Variants in MMP21 observed in about 807,000 individuals in gnomAD.
The protein encoded by MMP21 is matrix metallopeptidase 21.
In MMP21, 40 loss-of-function variants were observed where a neutral mutation model predicts 47.8. The observed-to-expected ratio is 0.84, with a 90% confidence interval of 0.65 to 1.09. The LOEUF (loss-of-function observed/expected upper bound fraction) is 1.09. Among genes scored for constraint, MMP21 ranks in the 50% least tolerant of loss-of-function variants. The pLI, the probability that MMP21 is intolerant of heterozygous loss-of-function variation, is 0.00. For missense variants in MMP21, 747 were observed against 775.3 expected (o/e 0.96, Z 0.43); for synonymous variants, 341 against 318.0 (o/e 1.07, Z -0.77).
intron 4 of MMP21, among the ~76,000 whole-genome samples, chr10:125,771,487 T>A (rs12240664): frequency 0.021 from 3,189 of 151,342 alleles, 135 homozygotes; most frequent in African/African-American, 0.073. Context: ...CACTGCAACC[T>A]CCACCTCATG....
chr10:125,770,571 C>G lies in MMP21; in HGVS notation c.1000G>C (p.Asp334His), dbSNP rs1260655723. The change falls in exon 5 of 7, where the codon GAT becomes CAT. Residue 334 changes from aspartate (D) to histidine (H), a missense_variant. Physicochemically the swap from Asp to His is moderately conservative, Grantham distance 81. Transcript: ENST00000368808. ...KLYGSCEGSF[D>H]TAFDWIRKER... ...TTGCGAATCCAGTCAAACGCAGTAT[C>G]AAATGATCCCTCACAGGAGCCTTAA... is the stretch of plus-strand genomic sequence containing the variant. 1 of 1,613,964 alleles carries G rather than the reference C, an allele frequency of 6.2e-7. No homozygotes were observed. Among genetic ancestry groups the G allele is most frequent in the Non-Finnish European group, 8.5e-7 (1 of 1,179,972 alleles).
At chr10:125,774,771 G>A (rs1850497365) in intron 1 of MMP21, among the ~76,000 whole-genome samples, 1 of 152,164 alleles carries the variant, frequency 6.6e-6, no homozygotes, top group Non-Finnish European at 1.5e-5. Flanking sequence ...CCGGCCTTGC[G>A]GGGCAGGTCG....
At chr10:125,774,396 C>A in intron 1 of MMP21, 31 bp from the exon 2 acceptor site, 1 of 1,313,118 alleles carries the variant, frequency 7.6e-7, no homozygotes, top group South Asian at 2.0e-5. Flanking sequence ...CTAATCTGGG[C>A]CGCCTCGCTC....
rs1850391980 is a variant in MMP21, at chr10:125,766,869, A to G, written c.1503T>C (p.His501=). 9.9e-6 allele frequency: 16 copies of G among 1,613,652 alleles called. No individual in the cohort carries two copies. Among genetic ancestry groups the G allele is most frequent in the Non-Finnish European group, 1.4e-5 (16 of 1,179,830 alleles). The change falls in exon 7 of 7, where the codon CAT becomes CAC. Residue 501 remains histidine, a synonymous_variant. Transcript: ENST00000368808. ...AAGCGGAATCTATATTTCTGAAAGG[A>G]TGATTTTGTGGTATTACTGCTGGAA... ...EVFPAVIPQN[H]PFRNIDSAYY...
rs1850467690 is a variant in MMP21, at chr10:125,772,847, C to T, written c.698-97G>A. ...GTCCCCAGCCTCCAGGAGCCGGCAG[C>T]AGAGGTAGACAGAGTGGCAGCTCCT... On this transcript the variant is annotated intron_variant, in intron 2 of 6. Transcript: ENST00000368808. The surrounding 1 kb of genome is among the most constrained non-coding windows in gnomAD (Gnocchi z 5.6). 2.2e-6 allele frequency: 3 copies of T among 1,351,516 alleles called. No individual in the cohort carries two copies. In the Admixed American group the frequency reaches 6.2e-5, roughly 28 times the overall value. The allele number at this position is 1,351,516 out of a possible 1,614,324, so 83.7% of individuals were successfully genotyped here.
At chr10:125,767,832 G>A (rs1850403048) in intron 5 of MMP21, 128 bp from the exon 6 acceptor site, 2 of 914,852 alleles carry the variant, frequency 2.2e-6, no homozygotes, top group East Asian at 4.9e-5. Context: ...GAGAAAACGG[G>A]GCTTTCGGCA....
chr10:125,767,671 TC>T lies in MMP21; in HGVS notation c.1270del (p.Asp424IlefsTer16). ...TTGTTCATCTTCTGTGAGGGCCTGATCCTTGTCACTGTCATATCTCCAGTAT... is the reference window on the plus strand; with the variant it reads ...TTGTTCATCTTCTGTGAGGGCCTGATCTTGTCACTGTCATATCTCCAGTAT... Reference protein sequence around the residue: ...NQYWRYDSDKDQALTEDEQGK... With the variant: ...NQYWRYDSDKXQALTEDEQGK... On this transcript the variant is annotated frameshift_variant, in exon 6 of 7. Transcript: ENST00000368808. LOFTEE classifies it high-confidence loss of function. 1 of 1,614,214 alleles carries T rather than the reference TC, an allele frequency of 6.2e-7. No individual in the cohort carries two copies. The highest frequency in any genetic ancestry group is 8.5e-7 in the Non-Finnish European group (1 of 1,180,034).
intron 5 of MMP21, among the ~76,000 whole-genome samples, 157 bp downstream of exon 5, chr10:125,770,177 C>G (rs1275475872): frequency 1.3e-5 from 2 of 152,060 alleles, no homozygotes. Context: ...CAACCCAATC[C>G]TTGTGCCCTC....
Position 125,774,070 on chromosome 10 carries a change from G to C in MMP21, c.458C>G (p.Ser153Cys). Residue 153 changes from serine (S) to cysteine (C), a missense_variant, in exon 2 of 7, where the codon TCC (serine) becomes TGC (cysteine). Transcript: ENST00000368808. ...GCCCCGGGGCTGCCAACCCCGCCGG[G>C]ACAAGGACAGCGGCGCCCGCGGGGA... ...RRSPRAPLSL[S>C]RRGWQPRGYP... 6 of 1,437,328 alleles carry C rather than the reference G, an allele frequency of 4.2e-6. No homozygotes were observed. The highest frequency in any genetic ancestry group is 1.5e-5 in the African/African-American group (1 of 67,282). The allele number at this position is 1,437,328 out of a possible 1,614,324, so 89.0% of individuals were successfully genotyped here.
At position 125,774,236 on chromosome 10, in the gene MMP21, G is replaced by A; in HGVS notation, c.292C>T (p.Leu98=). The part of the protein sequence containing the change: ...AVRRFQRANA[L]PASGELDAAT... Reference sequence around the variant, plus strand: ...GCGTCCAGCTCCCCGCTGGCCGGCAGCGCGTTCGCCCGCTGGAACCTGCGC... The same window carrying A: ...GCGTCCAGCTCCCCGCTGGCCGGCAACGCGTTCGCCCGCTGGAACCTGCGC... Residue 98 remains leucine, a synonymous_variant, in exon 2 of 7, where the codon CTG becomes TTG. Coordinates refer to ENST00000368808, the MANE Select transcript of MMP21 (RefSeq NM_147191.1). The A allele has an allele frequency of 7.1e-7, 1 of 1,401,696 alleles. No homozygotes were observed. Among genetic ancestry groups the A allele is most frequent in the Non-Finnish European group, 9.2e-7 (1 of 1,081,136 alleles). The allele number at this position is 1,401,696 out of a possible 1,614,324, so 86.8% of individuals were successfully genotyped here.
chr10:125,770,598 AAAAC>A lies in MMP21; in HGVS notation c.980-11_980-8del, dbSNP rs771709677. On this transcript the variant is annotated splice_polypyrimidine_tract_variant and splice_region_variant and intron_variant, in intron 4 of 6. Coordinates refer to ENST00000368808, the MANE Select transcript of MMP21 (RefSeq NM_147191.1). ...AATGATCCCTCACAGGAGCCTTAAA[AAAAC>A]AAACAAAAAACAGCCACTTGTCACA... The A allele has an allele frequency of 5.2e-5, 84 of 1,611,236 alleles. No individual in the cohort carries two copies. The highest frequency in any genetic ancestry group is 6.7e-5 in the Non-Finnish European group (79 of 1,178,406).
At chr10:125,774,776 A>T (rs1836566814) in intron 1 of MMP21, among the ~76,000 whole-genome samples, 1 of 152,094 alleles carries the variant, frequency 6.6e-6, no homozygotes, top group Non-Finnish European at 1.5e-5. Context: ...CTTGCGGGGC[A>T]GGTCGCGCAG....
rs375028535 is a variant in MMP21, at chr10:125,775,626, T to C, written c.162+34A>G. The C allele has an allele frequency of 5.0e-5, 78 of 1,574,644 alleles. No individual in the cohort carries two copies. The African/African-American group carries it at 1.0e-3, about 21-fold the overall frequency. The stretch of plus-strand genomic sequence containing the variant: ...GTGCCTGTGTGCACGTGCACGGGCC[T>C]GGGGGTATTGCTGTTCTTCCAGCTT... On this transcript the variant is annotated intron_variant, in intron 1 of 6. Coordinates refer to ENST00000368808, the MANE Select transcript of MMP21 (RefSeq NM_147191.1).
chr10:125,772,532 A>T lies in MMP21; in HGVS notation c.837+79T>A. On this transcript the variant is annotated intron_variant, in intron 3 of 6. Transcript: ENST00000368808. The surrounding 1 kb of genome is among the most constrained non-coding windows in gnomAD (Gnocchi z 5.6). Reference sequence around the variant, plus strand: ...CCTCAGAGGTTGCGGACACTACATGAGAAAAGCTTGGACTTTTTGGACGTC... The same window carrying T: ...CCTCAGAGGTTGCGGACACTACATGTGAAAAGCTTGGACTTTTTGGACGTC... 6.2e-7 allele frequency: 1 copy of T among 1,603,590 alleles called. No homozygotes were observed. The highest frequency in any genetic ancestry group is 8.5e-7 in the Non-Finnish European group (1 of 1,171,316).
Position 125,772,145 on chromosome 10 carries a change from G to T in MMP21, c.979+73C>A. On this transcript the variant is annotated intron_variant, in intron 4 of 6. Transcript: ENST00000368808. This position sits in a 1 kb window ranked among gnomAD's most constrained non-coding sequence, Gnocchi z 5.6. The stretch of plus-strand genomic sequence containing the variant: ...TAGGCCCAGTTTCCCAGTGAGGAGT[G>T]AGCGGGGTCCTACAGTGCTCTGGAA... 1.3e-6 allele frequency: 2 copies of T among 1,559,812 alleles called. No individual in the cohort carries two copies. The highest frequency in any genetic ancestry group is 2.3e-5 in the South Asian group (2 of 86,174).
chr10:125,774,421 C>G lies in MMP21; in HGVS notation c.163-56G>C, dbSNP rs1850493353. 4.0e-6 allele frequency: 5 copies of G among 1,240,580 alleles called. No individual in the cohort carries two copies. The South Asian group carries it at 1.1e-4, about 28-fold the overall frequency. The allele number at this position is 1,240,580 out of a possible 1,614,324, so 76.8% of individuals were successfully genotyped here. A position where few individuals can be genotyped will look rare whatever the true frequency, so the allele number is the denominator to read the frequency against. ...CCGCCTCGCTCGGGGCCCTCCCGGG[C>G]TGCCCTGCCCCAAAGTCTAGAGAGA... On this transcript the variant is annotated intron_variant, in intron 1 of 6. Transcript: ENST00000368808.
At position 125,773,875 on chromosome 10, in the gene MMP21, G is replaced by A. The variant is rs1850480795; in HGVS notation, c.653C>T (p.Ala218Val). ...GATGTCGACCGCGGCCCCGGGGGCG[G>A]CCAGGTCCTCGCGGAAGTCCAGCGG... The part of the protein sequence containing the change: ...VTPLDFREDL[A>V]APGAAVDIKL... Residue 218 changes from alanine (A) to valine (V), a missense_variant, in exon 2 of 7, where the codon GCC becomes GTC. By Grantham distance (64) the Ala-to-Val change is moderately conservative. Coordinates refer to ENST00000368808, the MANE Select transcript of MMP21 (RefSeq NM_147191.1). The surrounding 1 kb of genome is among the most constrained non-coding windows in gnomAD (Gnocchi z 4.8). 6.4e-7 allele frequency: 1 copy of A among 1,571,114 alleles called. No individual in the cohort carries two copies. Among genetic ancestry groups the A allele is most frequent in the East Asian group, 2.4e-5 (1 of 41,504 alleles).
Position 125,766,540 on chromosome 10 carries a change from T to C in MMP21, c.*122A>G. 1 of 709,158 alleles carries C rather than the reference T, an allele frequency of 1.4e-6. No individual in the cohort carries two copies. Among genetic ancestry groups the C allele is most frequent in the Non-Finnish European group, 2.2e-6 (1 of 449,232 alleles). The allele number at this position is 709,158 out of a possible 1,614,324, so 43.9% of individuals were successfully genotyped here. A position where few individuals can be genotyped will look rare whatever the true frequency, so the allele number is the denominator to read the frequency against. ...ATTTTAAAAGTTCAACTAAGGCTTT[T>C]CCCATTGGGTTTTAACTTACAGTGC... On this transcript the variant is annotated 3_prime_UTR_variant, in exon 7 of 7. Coordinates refer to ENST00000368808, the MANE Select transcript of MMP21 (RefSeq NM_147191.1).
chr10:125,767,629 T>G lies in MMP21; in HGVS notation c.1313A>C (p.Lys438Thr). ...GCCAGGAAATCCTTCTGAAATCAATTTGGGATAGCTTTTTCCTTGTTCATC... is the reference window on the plus strand; with the variant it reads ...GCCAGGAAATCCTTCTGAAATCAATGTGGGATAGCTTTTTCCTTGTTCATC... The part of the protein sequence containing the change: ...TEDEQGKSYP[K>T]LISEGFPGIP... Residue 438 changes from lysine (K) to threonine (T), a missense_variant, in exon 6 of 7, where the codon AAA (lysine) becomes ACA (threonine). Coordinates refer to ENST00000368808, the MANE Select transcript of MMP21 (RefSeq NM_147191.1). 1.2e-6 allele frequency: 2 copies of G among 1,614,130 alleles called. No individual in the cohort carries two copies. The highest frequency in any genetic ancestry group is 1.7e-6 in the Non-Finnish European group (2 of 1,180,004).
Sources: allele counts gnomAD v4.1 joint callset (sites outside exome capture counted in the v4.1 genomes callset), GRCh38; gene constraint gnomAD v4.1.1; non-coding constraint Gnocchi (gnomAD v3.1); transcripts MANE v1.5; gene names NCBI Gene and HGNC (gene_info 2026-07-23, HGNC 2026-07-21).